Variants in AGBL4 observed in about 807,000 individuals in gnomAD.
AGBL4 encodes the protein cytosolic carboxypeptidase 6.
Under a neutral mutation model 66.4 loss-of-function variants are expected in AGBL4, and 58 were observed. The observed-to-expected ratio is 0.87, with a 90% CI of 0.71 to 1.09. The LOEUF (loss-of-function observed/expected upper bound fraction) is 1.09. Among genes scored for constraint, AGBL4 ranks in the 50% least tolerant of loss-of-function variants. The pLI is 0.00. For missense variants in AGBL4, 579 were observed against 631.0 expected (o/e 0.92, Z 0.88); for synonymous variants, 234 against 222.9 (o/e 1.05, Z -0.44).
Position 49,036,724 on chromosome 1 carries a change from ATT to A in AGBL4, c.594+8858_594+8859del, listed in dbSNP as rs35463441. Among the ~76,000 whole-genome samples, 512 of 139,292 alleles carry A rather than the reference ATT, an allele frequency of 3.7e-3. 1 individual carries two copies. Among genetic ancestry groups the A allele is most frequent in the Middle Eastern group, 0.012 (3 of 256 alleles). 91.4% of individuals were successfully genotyped at this position (139,292 alleles called of 152,430 possible). ...AGGCACACACCACCATGCTCAGCTAATTTTTTTTTTTTTTTTTTGTAGTAATG... is the reference window on the plus strand; with the variant it reads ...AGGCACACACCACCATGCTCAGCTAATTTTTTTTTTTTTTTTGTAGTAATG... On this transcript the variant is annotated intron_variant, in intron 5 of 13. Coordinates refer to ENST00000371839, the MANE Select transcript of AGBL4 (RefSeq NM_032785.4).
At chr1:49,903,838 C>T (rs944279856) in intron 1 of AGBL4, among the ~76,000 whole-genome samples, 2 of 152,038 alleles carry the variant, frequency 1.3e-5, no homozygotes, top group Non-Finnish European at 2.9e-5. Flanking sequence ...GAACTGGATT[C>T]TATATAGGGT....
rs566607494 is a variant in AGBL4 at position 49,443,782 on chromosome 1, T to C, written c.283-197918A>G. Among the ~76,000 whole-genome samples, 80 of 149,882 alleles carry C rather than the reference T, an allele frequency of 5.3e-4. No individual in the cohort carries two copies. The Middle Eastern group carries it at 0.011, about 20-fold the overall frequency. ...TTATTTATATCTGTTCTGATTTTTA[T>C]TATATATATATATATTTTTAATTTT... On this transcript the variant is annotated intron_variant, in intron 3 of 13. Coordinates refer to ENST00000371839, the MANE Select transcript of AGBL4 (RefSeq NM_032785.4).
chr1:49,009,323 A>G (rs1367516509), intron 5 of AGBL4, among the ~76,000 whole-genome samples: 1 of 152,112 alleles, frequency 6.6e-6, no homozygotes, highest in Admixed American at 6.5e-5. Context: ...CCAAGACTAA[A>G]CCAGGAAGAA....
chr1:48,816,445 C>G (rs1646179971), intron 6 of AGBL4, among the ~76,000 whole-genome samples: 1 of 152,018 alleles, frequency 6.6e-6, no homozygotes, highest in Non-Finnish European at 1.5e-5. Context: ...CATTCAGGTA[C>G]TTGTAGGAAT....
intron 1 of AGBL4, among the ~76,000 whole-genome samples, chr1:49,900,267 CAG>C (rs1312086771): frequency 1.3e-5 from 2 of 151,544 alleles, no homozygotes; most frequent in East Asian, 3.9e-4. Flanking sequence ...TTTTTTGAGA[CAG>C]AGTTTCGCTC....
intron 5 of AGBL4, among the ~76,000 whole-genome samples, chr1:49,041,280 G>A (rs1327017417): frequency 6.6e-6 from 1 of 151,984 alleles, no homozygotes; most frequent in African/African-American, 2.4e-5. Flanking sequence ...TCAGACACAA[G>A]CCATATCAAA....
At chr1:49,635,228 A>C (rs561268920) in intron 3 of AGBL4, among the ~76,000 whole-genome samples, 2 of 152,302 alleles carry the variant, frequency 1.3e-5, no homozygotes, top group African/African-American at 4.8e-5. Context: ...ACTTCATATC[A>C]TACACAAAAG....
At chr1:49,812,753 A>C (rs770693629) in intron 2 of AGBL4, among the ~76,000 whole-genome samples, 7 of 152,052 alleles carry the variant, frequency 4.6e-5, no homozygotes, top group Non-Finnish European at 1.0e-4. Flanking sequence ...GGTCTCATCA[A>C]TTTTCTAGTC....
At chr1:49,824,584 C>A (rs993722016) in intron 2 of AGBL4, among the ~76,000 whole-genome samples, 1 of 152,182 alleles carries the variant, frequency 6.6e-6, no homozygotes, top group Non-Finnish European at 1.5e-5. Flanking sequence ...CTTAAACTGA[C>A]CTTAGGGCTT....
chr1:49,442,669 C>T (rs1009502095), intron 3 of AGBL4, among the ~76,000 whole-genome samples: 6 of 152,140 alleles, frequency 3.9e-5, no homozygotes, highest in South Asian at 2.1e-4. Context: ...TAGACGCTTA[C>T]GTTGATTCCA....
intron 2 of AGBL4, among the ~76,000 whole-genome samples, chr1:49,763,899 G>A (rs1652528061): frequency 6.6e-6 from 1 of 152,130 alleles, no homozygotes; most frequent in Admixed American, 6.5e-5. Flanking sequence ...CCTGAGGAGT[G>A]GCCAGACTAT....
At chr1:48,636,947 G>A (rs1205780470) in intron 8 of AGBL4, among the ~76,000 whole-genome samples, 2 of 152,260 alleles carry the variant, frequency 1.3e-5, no homozygotes, top group East Asian at 1.9e-4. Flanking sequence ...AATTCATCAC[G>A]GTTTTATTAA....
rs536596763 is a variant in AGBL4 at position 49,604,725 on chromosome 1, T to C, written c.282+92588A>G. ...TCAGGAGGTACATAGACTTCTTCCA[T>C]CTCACTAGTAGTTCAACCTGCTCTC... On this transcript the variant is annotated intron_variant, in intron 3 of 13. Transcript: ENST00000371839. Among the ~76,000 whole-genome samples, 4 of 152,238 alleles carry C rather than the reference T, an allele frequency of 2.6e-5. No individual in the cohort carries two copies. In the South Asian group the frequency reaches 8.3e-4, roughly 32 times the overall value.
intron 3 of AGBL4, among the ~76,000 whole-genome samples, chr1:49,535,641 T>C (rs1019514129): frequency 2.0e-5 from 3 of 152,074 alleles, no homozygotes; most frequent in African/African-American, 7.2e-5. Context: ...ACATTGACAT[T>C]TTTGGTATTA....
chr1:49,091,600 C>G (rs573385066), intron 4 of AGBL4, among the ~76,000 whole-genome samples: 14 of 152,256 alleles, frequency 9.2e-5, no homozygotes, highest in Non-Finnish European at 1.9e-4. Context: ...AATAGTTCAA[C>G]TACTGTGGAA....
chr1:48,672,261 G>A (rs1431877194), intron 6 of AGBL4, among the ~76,000 whole-genome samples: 1 of 152,242 alleles, frequency 6.6e-6, no homozygotes, highest in East Asian at 1.9e-4. Context: ...GGCAGGCACT[G>A]GGATGCTAAG....
intron 4 of AGBL4, among the ~76,000 whole-genome samples, chr1:49,237,637 CTTATT>C (rs1650892852): frequency 6.8e-6 from 1 of 147,160 alleles, no homozygotes; most frequent in Non-Finnish European, 1.5e-5. Context: ...GAAACTCTAC[CTTATT>C]TTAAGTCCCT....
intron 2 of AGBL4, among the ~76,000 whole-genome samples, chr1:49,711,128 A>G (rs901646098): frequency 1.3e-5 from 2 of 152,118 alleles, no homozygotes; most frequent in Non-Finnish European, 2.9e-5. Flanking sequence ...AGCAACTAGA[A>G]GTTTCATACG....
chr1:49,136,983 T>G (rs771870402), intron 4 of AGBL4, among the ~76,000 whole-genome samples: 4 of 152,326 alleles, frequency 2.6e-5, no homozygotes, highest in Non-Finnish European at 4.4e-5. Context: ...ATCTAATTTT[T>G]GTTCCCCCAT....
Sources: gnomAD v4.1 joint callset for allele counts (sites outside exome capture counted in the v4.1 genomes callset) on GRCh38, gnomAD v4.1.1 for gene constraint, MANE v1.5 for transcripts, NCBI Gene and HGNC (gene_info 2026-07-23, HGNC 2026-07-21) for gene names.